ZRANB3: variants seen among roughly 807,000 people sequenced by gnomAD.
The protein encoded by ZRANB3 is DNA annealing helicase and endonuclease ZRANB3.
In ZRANB3, 125 loss-of-function variants were observed where a neutral mutation model predicts 133.8. That is an observed-to-expected ratio of 0.93 (90% CI 0.81 to 1.08). The LOEUF is 1.08. ZRANB3 is among the 50% of genes least tolerant of loss of function. The pLI, the probability that ZRANB3 is intolerant of heterozygous loss-of-function variation, is 0.00. For missense variants in ZRANB3, 1,229 were observed against 1,275.5 expected, an observed-to-expected ratio of 0.96 and a Z score of 0.56; for synonymous variants, 387 against 432.7, an observed-to-expected ratio of 0.89 and a Z score of 1.31.
chr2:135,410,135 AT>A (rs1688235510), intron 2 of ZRANB3, among the ~76,000 whole-genome samples: 1 of 152,174 alleles, frequency 6.6e-6, no homozygotes, highest in Non-Finnish European at 1.5e-5. Context: ...AGAGAAAAGT[AT>A]TTTAAAATTC....
chr2:135,214,269 C>G (rs1284696045), intron 17 of ZRANB3, among the ~76,000 whole-genome samples: 2 of 152,250 alleles, frequency 1.3e-5, no homozygotes, highest in East Asian at 3.8e-4. Flanking sequence ...TAACTTATCT[C>G]CCCACTTTGA....
chr2:135,305,617 T>G (rs895093187), intron 8 of ZRANB3, among the ~76,000 whole-genome samples: 1 of 152,216 alleles, frequency 6.6e-6, no homozygotes, highest in African/African-American at 2.4e-5. Flanking sequence ...GGTGGCTTTC[T>G]GTAGTAGTAA....
intron 2 of ZRANB3, among the ~76,000 whole-genome samples, chr2:135,440,687 A>G (rs1158823923): frequency 6.6e-6 from 1 of 152,228 alleles, no homozygotes; most frequent in East Asian, 1.9e-4. Flanking sequence ...TGGATCCTCC[A>G]GATGAGAACT....
intron 12 of ZRANB3, among the ~76,000 whole-genome samples, chr2:135,231,239 C>T (rs1210029807): frequency 2.6e-5 from 4 of 152,006 alleles, no homozygotes; most frequent in East Asian, 1.9e-4. Flanking sequence ...TATAACATTT[C>T]GGAAGAAACT....
chr2:135,437,378 C>T (rs948946291), intron 2 of ZRANB3, among the ~76,000 whole-genome samples: 3 of 152,156 alleles, frequency 2.0e-5, no homozygotes, highest in African/African-American at 4.8e-5. Context: ...GAGTGTACAA[C>T]GTGTTATTCT....
intron 8 of ZRANB3, among the ~76,000 whole-genome samples, chr2:135,307,827 G>GT (rs1682777607): frequency 6.6e-6 from 1 of 152,140 alleles, no homozygotes; most frequent in Non-Finnish European, 1.5e-5. Flanking sequence ...AGGTTCTCTT[G>GT]TTACATTTAC....
chr2:135,453,463 G>C lies in ZRANB3; in HGVS notation c.161+50866C>G, dbSNP rs577398463. Reference sequence around the variant, plus strand: ...GGCTGCAAATTTTCCAAACTTTTATGCTCTGTTTCCCTTTTAAAACGGAAT... The same window carrying C: ...GGCTGCAAATTTTCCAAACTTTTATCCTCTGTTTCCCTTTTAAAACGGAAT... On this transcript the variant is annotated intron_variant, in intron 2 of 20. Transcript: ENST00000264159. Among the ~76,000 whole-genome samples the C allele has an allele frequency of 8.5e-5, 13 of 152,216 alleles. No individual in the cohort carries two copies. The East Asian group carries it at 2.3e-3, about 27-fold the overall frequency.
Position 135,423,362 on chromosome 2 carries a change from C to T in ZRANB3, c.162-32542G>A, listed in dbSNP as rs1284981859. Among the ~76,000 whole-genome samples, 5 of 152,054 alleles carry T rather than the reference C, an allele frequency of 3.3e-5. 1 individual carries two copies. The highest frequency in any genetic ancestry group is 4.8e-5 in the African/African-American group (2 of 41,404). On this transcript the variant is annotated intron_variant, in intron 2 of 20. Transcript: ENST00000264159. ...CACAGGAGAATTGCTTGAACCCAGG[C>T]GGAGGTTGCAGTGAGCCAAGATCGT...
At chr2:135,459,856 AAAAAAT>A (rs1396924623) in intron 2 of ZRANB3, among the ~76,000 whole-genome samples, 1 of 152,218 alleles carries the variant, frequency 6.6e-6, no homozygotes, top group Non-Finnish European at 1.5e-5. Flanking sequence ...CAAAAGATTA[AAAAAAT>A]AAAAATAGAA....
At chr2:135,268,599 T>C (rs1680360250) in intron 11 of ZRANB3, among the ~76,000 whole-genome samples, 1 of 152,290 alleles carries the variant, frequency 6.6e-6, no homozygotes, top group East Asian at 1.9e-4. Context: ...CTACCTTCTG[T>C]CCAAAATTAG....
intron 6 of ZRANB3, among the ~76,000 whole-genome samples, chr2:135,336,926 A>G (rs1057104624): frequency 2.6e-5 from 4 of 151,468 alleles, no homozygotes; most frequent in Non-Finnish European, 5.9e-5. Flanking sequence ...TAGCATCATG[A>G]AAAAAAAAGA....
intron 3 of ZRANB3, among the ~76,000 whole-genome samples, chr2:135,356,163 T>C (rs777955009): frequency 6.7e-6 from 1 of 150,362 alleles, no homozygotes; most frequent in African/African-American, 2.4e-5. Flanking sequence ...ATAGGTAGAA[T>C]TAAAAAAAAA....
intron 2 of ZRANB3, among the ~76,000 whole-genome samples, chr2:135,489,251 A>C (rs954210187): frequency 4.2e-5 from 6 of 143,300 alleles, no homozygotes; most frequent in Non-Finnish European, 6.0e-5. Flanking sequence ...ATAGGTGGGA[A>C]CTGAACAATG....
At chr2:135,379,550 C>T (rs548618976) in intron 3 of ZRANB3, among the ~76,000 whole-genome samples, 10 of 152,108 alleles carry the variant, frequency 6.6e-5, no homozygotes, top group South Asian at 2.1e-4. Context: ...ATTTCATATC[C>T]GGCCAAACTA....
At position 135,417,438 on chromosome 2, in the gene ZRANB3, A is replaced by G. The variant is rs541451733; in HGVS notation, c.162-26618T>C. 4.8e-4 allele frequency among the ~76,000 whole-genome samples: 73 copies of G among 152,122 alleles called. 1 individual carries two copies. Among genetic ancestry groups the G allele is most frequent in the Middle Eastern group, 6.8e-3 (2 of 294 alleles). On this transcript the variant is annotated intron_variant, in intron 2 of 20. Coordinates refer to ENST00000264159, the MANE Select transcript of ZRANB3 (RefSeq NM_032143.4). ...ACCATCTCACACCAGTTAGAATGGC[A>G]ATCATTAAAAAGTCAGGAAACAACA...
chr2:135,230,805 T>C lies in ZRANB3; in HGVS notation c.1662A>G (p.Ser554=). 1.2e-6 allele frequency: 2 copies of C among 1,613,906 alleles called. No individual in the cohort carries two copies. Among genetic ancestry groups the C allele is most frequent in the Non-Finnish European group, 1.7e-6 (2 of 1,179,856 alleles). The change falls in exon 13 of 21, where the codon TCA becomes TCG. Residue 554 remains serine, a synonymous_variant. Transcript: ENST00000264159. The part of the protein sequence containing the change: ...RFREENTVVS[S]DPTKTAARDI... The stretch of plus-strand genomic sequence containing the variant: ...CTCTTGCAGCTGTTTTTGTAGGGTC[T>C]GATGACACTACAGTATTTTCCTCCC...
chr2:135,349,930 C>A, intron 5 of ZRANB3, 54 bp downstream of exon 5: 2 of 1,510,312 alleles, frequency 1.3e-6, no homozygotes, highest in South Asian at 2.3e-5. Flanking sequence ...TGATTCAATA[C>A]GCCTCCCACC....
At chr2:135,300,092 G>A (rs1331379999) in intron 8 of ZRANB3, among the ~76,000 whole-genome samples, 2 of 152,020 alleles carry the variant, frequency 1.3e-5, no homozygotes, top group Non-Finnish European at 2.9e-5. Context: ...CACAATTAGT[G>A]AACAGTGTTA....
intron 12 of ZRANB3, among the ~76,000 whole-genome samples, chr2:135,253,992 T>C (rs1679528389): frequency 6.6e-6 from 1 of 152,240 alleles, no homozygotes; most frequent in Admixed American, 6.5e-5. Flanking sequence ...GAATCAGGTC[T>C]CACTTTTTGG....
Sources: allele counts gnomAD v4.1 joint callset (sites outside exome capture counted in the v4.1 genomes callset), GRCh38; gene constraint gnomAD v4.1.1; transcripts MANE v1.5; gene names NCBI Gene and HGNC (gene_info 2026-07-23, HGNC 2026-07-21).